The following ISM2 variants were observed in gnomAD, a reference collection of about 807,000 sequenced individuals.
ISM2 encodes the protein isthmin-2.
A neutral mutation model predicts 58.0 loss-of-function variants in ISM2; 50 were observed. That is an observed-to-expected ratio of 0.86 (90% CI 0.69 to 1.09). ISM2 has a LOEUF of 1.09. ISM2 is among the 50% of genes least tolerant of loss of function. ISM2 has a pLI of 0.00. For synonymous variants in ISM2, 303 were observed against 312.4 expected, an observed-to-expected ratio of 0.97 and a Z score of 0.32; for missense variants, 723 against 745.0, an observed-to-expected ratio of 0.97 and a Z score of 0.34.
chr14:77,478,706 G>C lies in ISM2; in HGVS notation c.983C>G (p.Pro328Arg). The change falls in exon 5 of 7, where the codon CCT (proline) becomes CGT (arginine). Residue 328 changes from proline to arginine, a missense_variant. Coordinates refer to ENST00000342219, the MANE Select transcript of ISM2 (RefSeq NM_199296.3). ...AGACCAGGGACTCCACTCCTTCTGAGGCTCATAGTCTGGGTTAAGACAGGG... is the reference window on the plus strand; with the variant it reads ...AGACCAGGGACTCCACTCCTTCTGACGCTCATAGTCTGGGTTAAGACAGGG... ...FKDSVSYDYE[P>R]QKEWSPWSPC... 1 of 1,612,440 alleles carries C rather than the reference G, an allele frequency of 6.2e-7. No homozygotes were observed. The highest frequency in any genetic ancestry group is 1.1e-5 in the South Asian group (1 of 91,046).
Position 77,479,157 on chromosome 14 carries a change from C to T in ISM2, c.974-442G>A, listed in dbSNP as rs186468748. On this transcript the variant is annotated intron_variant, in intron 4 of 6. Transcript: ENST00000342219. ...TCATAGCTCACTGCAGCCTTGACTT[C>T]CTGGGCTCAAGCAATCCCCCCACCT... Among the ~76,000 whole-genome samples, 461 of 152,188 alleles carry T rather than the reference C, an allele frequency of 3.0e-3. 4 individuals carry two copies. The highest frequency in any genetic ancestry group is 0.011 in the African/African-American group (448 of 41,508).
At chr14:77,478,500 C>T in intron 5 of ISM2, 75 bp downstream of exon 5, 4 of 1,563,170 alleles carry the variant, frequency 2.6e-6, no homozygotes, top group Non-Finnish European at 3.5e-6. Flanking sequence ...CAAGCCCACC[C>T]ACATTCCCAG....
chr14:77,478,165 G>A, intron 6 of ISM2, 77 bp downstream of exon 6: 2 of 1,208,082 alleles, frequency 1.7e-6, no homozygotes, highest in South Asian at 2.6e-5. Flanking sequence ...CCAGGTTCCT[G>A]CCATGGAATA....
Position 77,498,657 on chromosome 14 carries a change from G to A in ISM2, c.137C>T (p.Ala46Val), listed in dbSNP as rs1338807754. 2 of 1,469,220 alleles carry A rather than the reference G, an allele frequency of 1.4e-6. No homozygotes were observed. Among genetic ancestry groups the A allele is most frequent in the East Asian group, 3.0e-5 (1 of 33,836 alleles). 91.0% of individuals were successfully genotyped at this position (1,469,220 alleles called of 1,614,324 possible). Reference sequence around the variant, plus strand: ...CCCGGTGCCGCCGCCACTCACCTCTGCGAGCCTCGTGAGGCTCCCAGGCCG... The same window carrying A: ...CCCGGTGCCGCCGCCACTCACCTCTACGAGCCTCGTGAGGCTCCCAGGCCG... ...GPRPGSLTRL[A>V]EVSASPDPRP... Residue 46 changes from alanine (A) to valine (V), a missense_variant, in exon 1 of 7, where the codon GCA becomes GTA. Ala to Val is a moderately conservative substitution (Grantham distance 64, BLOSUM62 0). Transcript: ENST00000342219.
Position 77,484,729 on chromosome 14 carries a change from T to C in ISM2, c.332A>G (p.Lys111Arg). ...GGTTGTGTTGGCCAATCCCGGCAGC[T>C]TCTGCAGCTCCAGCCGCAACGGAGT... Reference protein sequence around the residue: ...EVTPLRLELQKLPGLANTTLS... With the variant: ...EVTPLRLELQRLPGLANTTLS... The change falls in exon 2 of 7, where the codon AAG becomes AGG. Residue 111 changes from lysine (K) to arginine (R), a missense_variant. Lys to Arg is a conservative substitution (Grantham distance 26). Coordinates refer to ENST00000342219, the MANE Select transcript of ISM2 (RefSeq NM_199296.3). The C allele has an allele frequency of 1.2e-6, 2 of 1,612,230 alleles. No individual in the cohort carries two copies. Among genetic ancestry groups the C allele is most frequent in the Non-Finnish European group, 1.7e-6 (2 of 1,179,670 alleles).
intron 1 of ISM2, chr14:77,498,165 C>A (rs1261723156): frequency 1.9e-6 from 2 of 1,042,690 alleles, no homozygotes; most frequent in South Asian, 1.5e-5. Context: ...GGCTGGCCAC[C>A]CCTGCCGGCG....
At chr14:77,492,509 C>T (rs958540652) in intron 1 of ISM2, among the ~76,000 whole-genome samples, 1 of 138,486 alleles carries the variant, frequency 7.2e-6, no homozygotes, top group Non-Finnish European at 1.5e-5. Flanking sequence ...AACAAACTGG[C>T]CCCAGCCTTT....
At chr14:77,478,435 A>G in intron 5 of ISM2, 110 bp from the exon 6 acceptor site, 1 of 1,429,474 alleles carries the variant, frequency 7.0e-7, no homozygotes, top group Non-Finnish European at 9.7e-7. Flanking sequence ...CAGCCAAAAT[A>G]GGCCTGGGAC....
chr14:77,475,586 AC>A lies in ISM2; in HGVS notation c.*8del. 1.3e-6 allele frequency: 2 copies of A among 1,543,282 alleles called. No individual in the cohort carries two copies. The highest frequency in any genetic ancestry group is 1.8e-6 in the Non-Finnish European group (2 of 1,142,834). On this transcript the variant is annotated 3_prime_UTR_variant, in exon 7 of 7. Transcript: ENST00000342219. This position sits in a 1 kb window ranked among gnomAD's most constrained non-coding sequence, Gnocchi z 4.1. The stretch of plus-strand genomic sequence containing the variant: ...CTCTCCCTGCAGTGTCTGTTCAGCA[AC>A]CCCGTCACTAGTACTCCTTGGCCTC...
At position 77,474,462 on chromosome 14, in the gene ISM2, C is replaced by T. The variant is rs1265567549; in HGVS notation, c.*1133G>A. 6.6e-6 allele frequency: 1 copy of T among 152,218 alleles called. No homozygotes were observed. Among genetic ancestry groups the T allele is most frequent in the African/African-American group, 2.4e-5 (1 of 41,452 alleles). The allele number at this position is 152,218 out of a possible 1,614,324, so 9.4% of individuals were successfully genotyped here. On this transcript the variant is annotated 3_prime_UTR_variant, in exon 7 of 7. Transcript: ENST00000342219. ...CAGGGCGGCCATCTGGGGGCTAGGA[C>T]TGAAGTCCCCTAACTTTTGGTGGCT...
chr14:77,478,734 T>A lies in ISM2; in HGVS notation c.974-19A>T, dbSNP rs746974691. 1 of 1,602,268 alleles carries A rather than the reference T, an allele frequency of 6.2e-7. No homozygotes were observed. Among genetic ancestry groups the A allele is most frequent in the Admixed American group, 1.7e-5 (1 of 59,742 alleles). ...TCATAGTCTGGGTTAAGACAGGGAGTTGGGGGTGAGTGCATATAGCTCACA... is the reference window on the plus strand; with the variant it reads ...TCATAGTCTGGGTTAAGACAGGGAGATGGGGGTGAGTGCATATAGCTCACA... On this transcript the variant is annotated intron_variant, in intron 4 of 6. Coordinates refer to ENST00000342219, the MANE Select transcript of ISM2 (RefSeq NM_199296.3).
intron 1 of ISM2, among the ~76,000 whole-genome samples, chr14:77,485,632 C>G (rs947831833): frequency 6.6e-6 from 1 of 152,280 alleles, no homozygotes. Flanking sequence ...TCTGCCCAGA[C>G]AGTGGGGCAC....
rs1232638124 is a variant in ISM2 at position 77,474,580 on chromosome 14, T to A, written c.*1015A>T. On this transcript the variant is annotated 3_prime_UTR_variant, in exon 7 of 7. Transcript: ENST00000342219. The stretch of plus-strand genomic sequence containing the variant: ...GGAATGGGGAGGCAGGGAAGAGGCA[T>A]GAGGTGTGCCGGGAGAGCGATTATG... 6.6e-6 allele frequency: 1 copy of A among 152,286 alleles called. No homozygotes were observed. Among genetic ancestry groups the A allele is most frequent in the Non-Finnish European group, 1.5e-5 (1 of 68,108 alleles). The allele number at this position is 152,286 out of a possible 1,614,324, so 9.4% of individuals were successfully genotyped here.
intron 3 of ISM2, among the ~76,000 whole-genome samples, chr14:77,483,088 G>A (rs893467434): frequency 1.3e-5 from 2 of 152,170 alleles, no homozygotes; most frequent in African/African-American, 4.8e-5. Context: ...GAGTGCTCCC[G>A]ACACAGCAGC....
intron 4 of ISM2, among the ~76,000 whole-genome samples, chr14:77,480,258 C>A (rs1305369942): frequency 1.3e-5 from 2 of 151,456 alleles, no homozygotes; most frequent in Non-Finnish European, 2.9e-5. Flanking sequence ...TGCACTCCAG[C>A]CACAGCCACT....
chr14:77,483,965 C>A lies in ISM2; in HGVS notation c.627+358G>T, dbSNP rs561639687. ...CCCCTTCTTTAGGGGATCAGACCTGCAGGTCTTTTCCAGGAGGCCTCCTTA... is the reference window on the plus strand; with the variant it reads ...CCCCTTCTTTAGGGGATCAGACCTGAAGGTCTTTTCCAGGAGGCCTCCTTA... On this transcript the variant is annotated intron_variant, in intron 3 of 6. Coordinates refer to ENST00000342219, the MANE Select transcript of ISM2 (RefSeq NM_199296.3). 3.5e-3 allele frequency: 669 copies of A among 189,250 alleles called. 6 individuals carry two copies. Among genetic ancestry groups the A allele is most frequent in the African/African-American group, 0.015 (647 of 42,186 alleles). 11.7% of individuals were successfully genotyped at this position (189,250 alleles called of 1,614,324 possible).
chr14:77,482,716 A>G (rs1262194861), intron 3 of ISM2, 49 bp from the exon 4 acceptor site: 2 of 1,196,158 alleles, frequency 1.7e-6, no homozygotes, highest in South Asian at 3.0e-5. Context: ...TTAGAGCTGC[A>G]TTCCAAAGAG....
rs2079150670 is a variant in ISM2 at position 77,484,133 on chromosome 14, A to G, written c.627+190T>C. 1.6e-5 allele frequency: 11 copies of G among 674,700 alleles called. No homozygotes were observed. The Admixed American group carries it at 2.2e-4, about 14-fold the overall frequency. 41.8% of individuals were successfully genotyped at this position (674,700 alleles called of 1,614,324 possible). On this transcript the variant is annotated intron_variant, in intron 3 of 6. Coordinates refer to ENST00000342219, the MANE Select transcript of ISM2 (RefSeq NM_199296.3). ...GTCAAAAGACTTGCCCAAGGCCCAC[A>G]GCTAGAAAGTAGAGGGGCAGGTCCT...
chr14:77,475,525 G>GGCCCT lies in ISM2; in HGVS notation c.*69_*70insAGGGC. 6.7e-7 allele frequency: 1 copy of GGCCCT among 1,499,798 alleles called. No homozygotes were observed. Among genetic ancestry groups the GGCCCT allele is most frequent in the South Asian group, 1.4e-5 (1 of 73,904 alleles). The allele number at this position is 1,499,798 out of a possible 1,614,324, so 92.9% of individuals were successfully genotyped here. On this transcript the variant is annotated 3_prime_UTR_variant, in exon 7 of 7. Transcript: ENST00000342219. This position sits in a 1 kb window ranked among gnomAD's most constrained non-coding sequence, Gnocchi z 4.1. The stretch of plus-strand genomic sequence containing the variant: ...CCCTGTCTGGGCAGGGGCGGGTGAG[G>GGCCCT]AAAGTTCTCCCGTGCAACAGCAGCA...
Sources: gnomAD v4.1 joint callset for allele counts (sites outside exome capture counted in the v4.1 genomes callset) on GRCh38, gnomAD v4.1.1 for gene constraint, Gnocchi (gnomAD v3.1) non-coding constraint, MANE v1.5 for transcripts, NCBI Gene and HGNC (gene_info 2026-07-23, HGNC 2026-07-21) for gene names.